BNC2: variants seen among roughly 807,000 people sequenced by gnomAD.
BNC2 encodes the protein basonuclin zinc finger protein 2, also known as zinc finger protein basonuclin-2.
In BNC2, 20 loss-of-function variants were observed where a neutral mutation model predicts 76.3. The observed-to-expected ratio is 0.26, with a 90% CI of 0.18 to 0.38. The LOEUF (loss-of-function observed/expected upper bound fraction) is 0.38. Among genes scored for constraint, BNC2 ranks in the 10% least tolerant of loss-of-function variants. The probability of loss-of-function intolerance (pLI) is 1.00; values close to 1 mark genes in which losing one functional copy is unlikely to be tolerated. For missense variants in BNC2, 1,382 were observed against 1,399.8 expected (o/e 0.99, Z 0.20); for synonymous variants, 582 against 514.8 (o/e 1.13, Z -1.77).
chr9:16,661,104 T>G (rs2134057493), intron 3 of BNC2, among the ~76,000 whole-genome samples: 1 of 152,264 alleles, frequency 6.6e-6, no homozygotes, highest in East Asian at 1.9e-4. Flanking sequence ...CAATTAACCT[T>G]CCCAACGTCA....
chr9:16,459,634 T>C lies in BNC2; in HGVS notation c.670-22110A>G, dbSNP rs575706615. On this transcript the variant is annotated intron_variant, in intron 5 of 6. Transcript: ENST00000380672. ...CTTGGGCCTGAGGCACCCACACACA[T>C]AGCAACAAAGAAAACAGCATGCAAA... Among the ~76,000 whole-genome samples, 550 of 152,124 alleles carry C rather than the reference T, an allele frequency of 3.6e-3. 7 individuals carry two copies. Among genetic ancestry groups the C allele is most frequent in the South Asian group, 0.023 (112 of 4,812 alleles).
At chr9:16,570,435 T>C (rs1587184377) in intron 4 of BNC2, among the ~76,000 whole-genome samples, 1 of 152,332 alleles carries the variant, frequency 6.6e-6, no homozygotes, top group Non-Finnish European at 1.5e-5. Context: ...CTCTAGGCTA[T>C]CACACACACT....
chr9:16,598,896 T>C (rs546979647), intron 3 of BNC2, among the ~76,000 whole-genome samples: 90 of 152,340 alleles, frequency 5.9e-4, no homozygotes, highest in African/African-American at 2.1e-3. Flanking sequence ...CATCAAAATA[T>C]GTATTTTTCA....
At chr9:16,624,421 T>G (rs943075323) in intron 3 of BNC2, among the ~76,000 whole-genome samples, 1 of 152,196 alleles carries the variant, frequency 6.6e-6, no homozygotes, top group Non-Finnish European at 1.5e-5. Context: ...CAAGAAAAAC[T>G]GCTCACACAA....
chr9:16,625,434 C>T (rs920953732), intron 3 of BNC2, among the ~76,000 whole-genome samples: 4 of 152,146 alleles, frequency 2.6e-5, no homozygotes, highest in African/African-American at 9.7e-5. Flanking sequence ...ACCTTAATTT[C>T]TTCTAACATA....
intron 5 of BNC2, among the ~76,000 whole-genome samples, chr9:16,478,827 G>C (rs187586464): frequency 6.6e-6 from 1 of 152,170 alleles, no homozygotes; most frequent in Non-Finnish European, 1.5e-5. Flanking sequence ...GTGGCTCCCT[G>C]CATTCTCATC....
intron 5 of BNC2, among the ~76,000 whole-genome samples, chr9:16,509,933 AC>A (rs1165253795): frequency 1.3e-5 from 2 of 152,198 alleles, no homozygotes; most frequent in African/African-American, 4.8e-5. Flanking sequence ...AATTAAGGTG[AC>A]TTTGAGTGCA....
chr9:16,618,165 C>T (rs905093701), intron 3 of BNC2, among the ~76,000 whole-genome samples: 5 of 152,154 alleles, frequency 3.3e-5, no homozygotes, highest in African/African-American at 1.2e-4. Flanking sequence ...GAGGCCAGTG[C>T]CTTGGGGACT....
At chr9:16,492,291 A>ATCTTG (rs1009803433) in intron 5 of BNC2, among the ~76,000 whole-genome samples, 72 of 152,322 alleles carry the variant, frequency 4.7e-4, no homozygotes, top group African/African-American at 1.7e-3. Flanking sequence ...AGAGGTGAAA[A>ATCTTG]TCTTGGTGAT....
At chr9:16,586,565 T>C (rs1388691333) in intron 3 of BNC2, among the ~76,000 whole-genome samples, 2 of 151,858 alleles carry the variant, frequency 1.3e-5, no homozygotes, top group Admixed American at 6.6e-5. Context: ...CTGTAGAGAC[T>C]GACTATCCTA....
At chr9:16,715,346 T>C (rs529045852) in intron 3 of BNC2, among the ~76,000 whole-genome samples, 9 of 152,310 alleles carry the variant, frequency 5.9e-5, no homozygotes, top group Admixed American at 4.6e-4. Context: ...CAGAAATATA[T>C]TTACTAAACT....
intron 1 of BNC2, among the ~76,000 whole-genome samples, chr9:16,748,065 G>A (rs559516072): frequency 1.3e-5 from 2 of 152,266 alleles, no homozygotes; most frequent in East Asian, 1.9e-4. Flanking sequence ...AACAAAACAT[G>A]AGTAAAAGGC....
chr9:16,698,374 T>C (rs1201659504), intron 3 of BNC2, among the ~76,000 whole-genome samples: 1 of 151,618 alleles, frequency 6.6e-6, no homozygotes, highest in Non-Finnish European at 1.5e-5. Flanking sequence ...TATGATACAA[T>C]GGCAAGCTAA....
At chr9:16,729,209 TA>T (rs1178401116) in intron 2 of BNC2, among the ~76,000 whole-genome samples, 1 of 152,204 alleles carries the variant, frequency 6.6e-6, no homozygotes, top group Non-Finnish European at 1.5e-5. Context: ...GCACTGTACA[TA>T]AACAGTAAGT....
At chr9:16,785,446 G>A (rs983689955) in intron 1 of BNC2, among the ~76,000 whole-genome samples, 1 of 152,082 alleles carries the variant, frequency 6.6e-6, no homozygotes, top group African/African-American at 2.4e-5. Context: ...CCAGGTCGGA[G>A]TGCAGTGGCT....
At chr9:16,697,672 G>C (rs953711105) in intron 3 of BNC2, among the ~76,000 whole-genome samples, 9 of 150,852 alleles carry the variant, frequency 6.0e-5, no homozygotes, top group African/African-American at 2.2e-4. Flanking sequence ...GCAGTGAGCC[G>C]AGATTGCCAC....
rs1370885357 is a variant in BNC2, at chr9:16,596,607, AC to A, written c.331-13523del. On this transcript the variant is annotated intron_variant, in intron 3 of 6. Coordinates refer to ENST00000380672, the MANE Select transcript of BNC2 (RefSeq NM_017637.6). Reference sequence around the variant, plus strand: ...ACTTACAGAGAAGCAGGCAGAAGAAACTACAAAAGGTAAACAGTAAAAACTA... The same window carrying A: ...ACTTACAGAGAAGCAGGCAGAAGAAATACAAAAGGTAAACAGTAAAAACTA... Among the ~76,000 whole-genome samples, 4 of 152,286 alleles carry A rather than the reference AC, an allele frequency of 2.6e-5. No individual in the cohort carries two copies. The South Asian group carries it at 6.2e-4, about 24-fold the overall frequency.
intron 2 of BNC2, among the ~76,000 whole-genome samples, 186 bp downstream of exon 2, chr9:16,738,174 T>C (rs1292872802): frequency 6.6e-6 from 1 of 152,208 alleles, no homozygotes. Context: ...CTACTTTCAA[T>C]TATTTCTTCA....
intron 5 of BNC2, among the ~76,000 whole-genome samples, chr9:16,446,677 G>A (rs1821238221): frequency 6.6e-6 from 1 of 152,062 alleles, no homozygotes; most frequent in South Asian, 2.1e-4. Flanking sequence ...TACTGTTACA[G>A]AATGTTCTTG....
Sources: gnomAD v4.1 joint callset for allele counts (sites outside exome capture counted in the v4.1 genomes callset) on GRCh38, gnomAD v4.1.1 for gene constraint, MANE v1.5 for transcripts, NCBI Gene and HGNC (gene_info 2026-07-23, HGNC 2026-07-21) for gene names.